The following SHOC1 variants were observed in gnomAD, a reference collection of about 807,000 sequenced individuals.
The protein encoded by SHOC1 is protein shortage in chiasmata 1 ortholog.
A neutral mutation model predicts 179.2 loss-of-function variants in SHOC1; 136 were observed. The ratio of observed to expected loss-of-function variants is 0.76; its 90% CI spans 0.66 to 0.87. The LOEUF is 0.87. Among genes scored for constraint, SHOC1 ranks in the 40% least tolerant of loss-of-function variants. The probability of loss-of-function intolerance (pLI) is 0.00; values close to 1 mark genes in which losing one functional copy is unlikely to be tolerated. For synonymous variants in SHOC1, 489 were observed against 586.6 expected (o/e 0.83, Z 2.41); for missense variants, 1,538 against 1,700.8 (o/e 0.90, Z 1.68).
At chr9:111,723,724 C>T (rs1833170971) in intron 14 of SHOC1, 68 bp downstream of exon 14, 1 of 1,450,208 alleles carries the variant, frequency 6.9e-7, no homozygotes, top group Admixed American at 1.9e-5. Context: ...GAGGTATGTC[C>T]TAGCTATCTA....
chr9:111,710,905 A>C (rs1467713274), intron 18 of SHOC1, among the ~76,000 whole-genome samples: 2 of 152,204 alleles, frequency 1.3e-5, no homozygotes, highest in African/African-American at 4.8e-5. Flanking sequence ...TAGGAGATGA[A>C]GATGGCAAAA....
intron 24 of SHOC1, among the ~76,000 whole-genome samples, chr9:111,699,686 A>C (rs1250216679): frequency 1.3e-5 from 2 of 152,094 alleles, no homozygotes; most frequent in Non-Finnish European, 2.9e-5. Flanking sequence ...TAATCAAGGG[A>C]TATTTATTTT....
At chr9:111,761,288 T>C (rs1227508048) in intron 5 of SHOC1, among the ~76,000 whole-genome samples, 1 of 152,078 alleles carries the variant, frequency 6.6e-6, no homozygotes. Flanking sequence ...GATCACTGGA[T>C]GTCAGAAGTT....
At chr9:111,792,621 C>T (rs1478071666) in intron 1 of SHOC1, among the ~76,000 whole-genome samples, 3 of 151,988 alleles carry the variant, frequency 2.0e-5, no homozygotes, top group Non-Finnish European at 4.4e-5. Context: ...ACAAAAACAA[C>T]CCAGAGCACA....
chr9:111,784,639 G>A (rs1391112728), intron 3 of SHOC1, among the ~76,000 whole-genome samples: 5 of 152,064 alleles, frequency 3.3e-5, no homozygotes, highest in Non-Finnish European at 5.9e-5. Context: ...ATCCACAATT[G>A]TCTTAGTCAG....
chr9:111,741,077 G>T (rs1222522987), intron 11 of SHOC1, among the ~76,000 whole-genome samples: 2 of 152,196 alleles, frequency 1.3e-5, no homozygotes, highest in East Asian at 3.9e-4. Flanking sequence ...TTGTTAAAAT[G>T]TTTTTAAACG....
At chr9:111,774,702 A>G (rs10817216) in intron 5 of SHOC1, among the ~76,000 whole-genome samples, 2 of 151,586 alleles carry the variant, frequency 1.3e-5, no homozygotes, top group Middle Eastern at 3.4e-3. Flanking sequence ...CTCTCTCTAT[A>G]TATATATCAT....
chr9:111,738,554 A>C (rs765147771), intron 11 of SHOC1, 32 bp from the exon 12 acceptor site: 1 of 1,496,794 alleles, frequency 6.7e-7, no homozygotes, highest in East Asian at 2.4e-5. Flanking sequence ...AATAGTTAGA[A>C]ACAGTCTACA....
rs140726823 is a variant in SHOC1, at chr9:111,691,778, C to G, written c.4199G>C (p.Cys1400Ser). 6.2e-7 allele frequency: 1 copy of G among 1,613,960 alleles called. No individual in the cohort carries two copies. Among genetic ancestry groups the G allele is most frequent in the Non-Finnish European group, 8.5e-7 (1 of 1,179,984 alleles). Residue 1400 changes from cysteine (C) to serine (S), a missense_variant, in exon 27 of 28, where the codon TGT (cysteine) becomes TCT (serine). By Grantham distance (112) the Cys-to-Ser change is moderately radical. Transcript: ENST00000682961. ...GAGGCCTTCAGACTCATCTGATAGA[C>G]ATTTTTGCTGATCAGTGAATAAATT... Reference protein sequence around the residue: ...KGNLFTDQQKCLSDESEGLTC... With the variant: ...KGNLFTDQQKSLSDESEGLTC...
intron 9 of SHOC1, among the ~76,000 whole-genome samples, chr9:111,747,278 C>G (rs1834332301): frequency 6.6e-6 from 1 of 151,906 alleles, no homozygotes; most frequent in Admixed American, 6.6e-5. Context: ...TCAGGGCTAT[C>G]AATATAGTTA....
intron 13 of SHOC1, among the ~76,000 whole-genome samples, chr9:111,726,873 AAGAAT>A (rs1283278657): frequency 1.3e-5 from 2 of 152,220 alleles, no homozygotes; most frequent in Non-Finnish European, 2.9e-5. Flanking sequence ...TGAAGAAAGA[AAGAAT>A]AGGATTTATC....
intron 5 of SHOC1, among the ~76,000 whole-genome samples, chr9:111,773,323 AT>A (rs1288112402): frequency 6.6e-6 from 1 of 151,890 alleles, no homozygotes; most frequent in East Asian, 1.9e-4. Context: ...TTTATTTATT[AT>A]TTTTTGAGAT....
chr9:111,746,327 G>T lies in SHOC1; in HGVS notation c.986C>A (p.Pro329Gln). 1 of 1,600,910 alleles carries T rather than the reference G, an allele frequency of 6.2e-7. No individual in the cohort carries two copies. Among genetic ancestry groups the T allele is most frequent in the South Asian group, 1.1e-5 (1 of 90,770 alleles). The change falls in exon 10 of 28, where the codon CCA becomes CAA. Residue 329 changes from proline (P) to glutamine (Q), a missense_variant. Physicochemically the swap from Pro to Gln is moderately conservative, Grantham distance 76. Transcript: ENST00000682961. ...GCATGTTAGGAATAGAGGAGTTAGT[G>T]GCATTTCTAACTCTCCTGGAATATA... ...ECSKPGELEM[P>Q]LTPLFLTCQH...
chr9:111,773,067 T>A (rs932099949), intron 5 of SHOC1, among the ~76,000 whole-genome samples: 1 of 152,024 alleles, frequency 6.6e-6, no homozygotes, highest in Non-Finnish European at 1.5e-5. Flanking sequence ...CTGCTTGAAG[T>A]TTTTTCACTT....
At chr9:111,738,083 T>G in intron 12 of SHOC1, 197 bp downstream of exon 12, 1 of 481,150 alleles carries the variant, frequency 2.1e-6, no homozygotes, top group Middle Eastern at 5.3e-4. Context: ...ATTTTAGGGT[T>G]AGCTAGTCAA....
chr9:111,689,448 C>A (rs1239165844), intron 27 of SHOC1, among the ~76,000 whole-genome samples: 1 of 151,146 alleles, frequency 6.6e-6, no homozygotes, highest in Admixed American at 6.6e-5. Context: ...ATAGAGATCC[C>A]ATATATACAC....
At chr9:111,730,768 A>G (rs2131450917) in intron 12 of SHOC1, among the ~76,000 whole-genome samples, 1 of 152,336 alleles carries the variant, frequency 6.6e-6, no homozygotes, top group South Asian at 2.1e-4. Context: ...ATTAGCCCCT[A>G]ATAGGAGTGT....
chr9:111,753,234 A>G lies in SHOC1; in HGVS notation c.862+3091T>C, dbSNP rs536746792. On this transcript the variant is annotated intron_variant, in intron 8 of 27. Transcript: ENST00000682961. Reference sequence around the variant, plus strand: ...CCTTCAATGATGAATTCCACTAAACATTTTAAAAAAATCAACATCAATTAC... The same window carrying G: ...CCTTCAATGATGAATTCCACTAAACGTTTTAAAAAAATCAACATCAATTAC... Among the ~76,000 whole-genome samples the G allele has an allele frequency of 3.3e-5, 5 of 152,338 alleles. No individual in the cohort carries two copies. The South Asian group carries it at 1.0e-3, about 32-fold the overall frequency.
intron 2 of SHOC1, 96 bp downstream of exon 2, chr9:111,791,278 A>C: frequency 1.7e-6 from 1 of 584,858 alleles, no homozygotes; most frequent in East Asian, 3.5e-5. Context: ...GATCCTAAGC[A>C]TTTCAGATAA....
Sources: gnomAD v4.1 joint callset for allele counts (sites outside exome capture counted in the v4.1 genomes callset) on GRCh38, gnomAD v4.1.1 for gene constraint, MANE v1.5 for transcripts, NCBI Gene and HGNC (gene_info 2026-07-23, HGNC 2026-07-21) for gene names.